CDH18: variants seen among roughly 807,000 people sequenced by gnomAD.
CDH18 encodes the protein cadherin-18.
A neutral mutation model predicts 67.9 loss-of-function variants in CDH18; 31 were observed. The observed-to-expected ratio is 0.46, with a 90% CI of 0.34 to 0.62. The LOEUF is 0.62. Ranked by LOEUF, CDH18 falls within the 20% of genes least tolerant of loss-of-function variation. The pLI is 0.01. For synonymous variants in CDH18, 362 were observed against 347.2 expected (o/e 1.04, Z -0.48); for missense variants, 890 against 975.5 (o/e 0.91, Z 1.17).
At chr5:19,851,570 C>T (rs1783695076) in intron 2 of CDH18, among the ~76,000 whole-genome samples, 1 of 151,580 alleles carries the variant, frequency 6.6e-6, no homozygotes, top group Non-Finnish European at 1.5e-5. Context: ...GAAAACTAAA[C>T]TGATCATTCT....
At chr5:19,740,660 A>T (rs1768991821) in intron 4 of CDH18, among the ~76,000 whole-genome samples, 2 of 152,168 alleles carry the variant, frequency 1.3e-5, no homozygotes, top group Admixed American at 6.5e-5. Context: ...GTGTAATACC[A>T]TTTACAAATA....
At chr5:20,346,830 C>T (rs181842056) in intron 1 of CDH18, among the ~76,000 whole-genome samples, 16 of 152,264 alleles carry the variant, frequency 1.1e-4, no homozygotes, top group Non-Finnish European at 2.2e-4. Flanking sequence ...CAAAATGCAT[C>T]AAGTGTAATT....
intron 2 of CDH18, among the ~76,000 whole-genome samples, chr5:20,015,656 G>C (rs11743588): frequency 0.033 from 5,084 of 152,188 alleles, 96 homozygotes; most frequent in East Asian, 0.054. Context: ...TGGAGAACAG[G>C]GTAGAGAGCT....
chr5:19,931,683 A>C (rs1407911028), intron 2 of CDH18, among the ~76,000 whole-genome samples: 1 of 151,912 alleles, frequency 6.6e-6, no homozygotes, highest in East Asian at 1.9e-4. Context: ...CTTTTCATAT[A>C]TAGAAATGGG....
intron 1 of CDH18, among the ~76,000 whole-genome samples, chr5:20,349,391 A>G (rs1740976224): frequency 6.6e-6 from 1 of 152,140 alleles, no homozygotes; most frequent in Non-Finnish European, 1.5e-5. Context: ...AATACTCGGG[A>G]ACCTCTGTCT....
At chr5:19,781,200 G>C (rs1450321974) in intron 3 of CDH18, among the ~76,000 whole-genome samples, 1 of 151,890 alleles carries the variant, frequency 6.6e-6, no homozygotes, top group African/African-American at 2.4e-5. Context: ...CATACATAAA[G>C]TGAATATTGT....
intron 5 of CDH18, among the ~76,000 whole-genome samples, chr5:19,701,082 G>A (rs1028828947): frequency 2.6e-5 from 4 of 152,012 alleles, no homozygotes; most frequent in Admixed American, 1.3e-4. Context: ...TAAGGATACA[G>A]ATACAGAAAA....
intron 2 of CDH18, among the ~76,000 whole-genome samples, chr5:19,933,759 G>A (rs1432377790): frequency 2.0e-5 from 3 of 151,210 alleles, no homozygotes; most frequent in Non-Finnish European, 4.4e-5. Context: ...CTTACTTTCT[G>A]GCACATTTTA....
At chr5:20,550,774 T>A (rs1453795010) in intron 1 of CDH18, among the ~76,000 whole-genome samples, 1 of 152,184 alleles carries the variant, frequency 6.6e-6, no homozygotes, top group Non-Finnish European at 1.5e-5. Flanking sequence ...CTGGGTAATT[T>A]ATTTAAAAAA....
intron 1 of CDH18, among the ~76,000 whole-genome samples, chr5:19,987,110 A>C (rs1333642090): frequency 1.3e-5 from 2 of 152,208 alleles, no homozygotes; most frequent in Non-Finnish European, 2.9e-5. Context: ...ACAGGAAAAA[A>C]GCAAGGAACA....
At chr5:19,897,475 C>G (rs558263512) in intron 2 of CDH18, among the ~76,000 whole-genome samples, 1 of 152,238 alleles carries the variant, frequency 6.6e-6, no homozygotes, top group Admixed American at 6.5e-5. Context: ...ACATTGCCCA[C>G]ACATTTAAGT....
At chr5:20,298,029 GA>G (rs542841338) in intron 1 of CDH18, among the ~76,000 whole-genome samples, 1,622 of 152,118 alleles carry the variant, frequency 0.011, 18 homozygotes, top group Non-Finnish European at 0.016. Flanking sequence ...ATTTTCACTT[GA>G]ACTAACTAGC....
chr5:19,889,399 A>G (rs1009080668), intron 2 of CDH18, among the ~76,000 whole-genome samples: 4 of 152,062 alleles, frequency 2.6e-5, no homozygotes, highest in African/African-American at 9.7e-5. Context: ...TTAAATGACC[A>G]TGTGTTTCAG....
upstream of CDH18, among the ~76,000 whole-genome samples, chr5:19,989,172 T>C (rs902925444): frequency 6.6e-6 from 1 of 152,162 alleles, no homozygotes; most frequent in African/African-American, 2.4e-5. Flanking sequence ...GCATCCTTAT[T>C]TAAAGTAAAC....
chr5:19,621,130 A>T (rs967497710), intron 5 of CDH18, among the ~76,000 whole-genome samples: 1 of 152,132 alleles, frequency 6.6e-6, no homozygotes, highest in Non-Finnish European at 1.5e-5. Context: ...TTCTGCTTAA[A>T]GAGGTGTAAT....
At chr5:20,165,717 T>G in intron 2 of CDH18, among the ~76,000 whole-genome samples, 1 of 152,278 alleles carries the variant, frequency 6.6e-6, no homozygotes, top group Middle Eastern at 3.4e-3. Flanking sequence ...CACATCTATA[T>G]TTTGTTTTAT....
chr5:19,811,818 C>T (rs895155903), intron 3 of CDH18, among the ~76,000 whole-genome samples: 2 of 151,906 alleles, frequency 1.3e-5, no homozygotes, highest in African/African-American at 4.8e-5. Flanking sequence ...TCCTAGAATC[C>T]TTCACACACA....
intron 1 of CDH18, among the ~76,000 whole-genome samples, chr5:20,379,297 C>T (rs1305761062): frequency 1.3e-5 from 2 of 151,962 alleles, no homozygotes; most frequent in East Asian, 1.9e-4. Context: ...TAAACATAGC[C>T]CTTACTTATT....
At chr5:19,798,213 G>A (rs1158252536) in intron 3 of CDH18, among the ~76,000 whole-genome samples, 1 of 151,892 alleles carries the variant, frequency 6.6e-6, no homozygotes, top group Admixed American at 6.6e-5. Context: ...GAGATGTGGG[G>A]GAATCTGAAT....
Sources: allele counts gnomAD v4.1 joint callset (sites outside exome capture counted in the v4.1 genomes callset), GRCh38; gene constraint gnomAD v4.1.1; transcripts MANE v1.5; gene names NCBI Gene and HGNC (gene_info 2026-07-23, HGNC 2026-07-21).